VCAN: variants seen among roughly 807,000 people sequenced by gnomAD.
VCAN encodes versican core protein.
Under a neutral mutation model 245.5 loss-of-function variants are expected in VCAN, and 44 were observed. That is an observed-to-expected ratio of 0.18 (90% CI 0.14 to 0.23). The LOEUF is 0.23. Among genes scored for constraint, VCAN ranks in the 10% least tolerant of loss-of-function variants. The pLI, the probability that VCAN is intolerant of heterozygous loss-of-function variation, is 1.00. For synonymous variants in VCAN, 1,413 were observed against 1,437.0 expected, an observed-to-expected ratio of 0.98 and a Z score of 0.38; for missense variants, 3,793 against 4,057.9, an observed-to-expected ratio of 0.93 and a Z score of 1.77.
intron 12 of VCAN, among the ~76,000 whole-genome samples, chr5:83,564,348 C>T (rs932643479): frequency 1.3e-5 from 2 of 151,994 alleles, no homozygotes; most frequent in African/African-American, 2.4e-5. Flanking sequence ...GTTTCAAAAC[C>T]ACATTCACAG....
intron 11 of VCAN, 104 bp downstream of exon 11, chr5:83,553,626 C>T (rs577831887): frequency 1.4e-6 from 2 of 1,433,250 alleles, no homozygotes; most frequent in African/African-American, 1.4e-5. Context: ...AATCATAATA[C>T]AACTTATCAA....
chr5:83,558,460 C>T (rs1161668334), intron 12 of VCAN, among the ~76,000 whole-genome samples: 1 of 152,078 alleles, frequency 6.6e-6, no homozygotes, highest in African/African-American at 2.4e-5. Context: ...ATTAGAGCTT[C>T]TCCGTCTTGG....
chr5:83,538,890 G>A lies in VCAN; in HGVS notation c.5887G>A (p.Ala1963Thr), dbSNP rs1746840051. The A allele has an allele frequency of 6.2e-7, 1 of 1,613,854 alleles. No homozygotes were observed. The highest frequency in any genetic ancestry group is 1.3e-5 in the African/African-American group (1 of 74,906). ...AATGATGGAAGGCTCTGGAGATGCAGCATTTAGGGACACCCAGACTTCACC... is the reference window on the plus strand; with the variant it reads ...AATGATGGAAGGCTCTGGAGATGCAACATTTAGGGACACCCAGACTTCACC... ...TVMMEGSGDA[A>T]FRDTQTSPST... Residue 1963 changes from alanine to threonine, a missense_variant, in exon 8 of 15, where the codon GCA becomes ACA. Coordinates refer to ENST00000265077, the MANE Select transcript of VCAN (RefSeq NM_004385.5).
Position 83,490,335 on chromosome 5 carries a change from T to C in VCAN, c.308T>C (p.Val103Ala), listed in dbSNP as rs374089541. ...IGQDYKGRVS[V>A]PTHPEAVGDA... ...CAGGACTACAAAGGGAGAGTGTCTG[T>C]GCCCACACATCCCGAGGCTGTGGGC... The change falls in exon 3 of 15, where the codon GTG becomes GCG. Residue 103 changes from valine (V) to alanine (A), a missense_variant. Around this residue, in one of 5 missense-constraint regions of VCAN, gnomAD observed 179 missense variants for 169.7 expected, o/e 1.05. Coordinates refer to ENST00000265077, the MANE Select transcript of VCAN (RefSeq NM_004385.5). 2.7e-5 allele frequency: 43 copies of C among 1,614,104 alleles called. No individual in the cohort carries two copies. Among genetic ancestry groups the C allele is most frequent in the Non-Finnish European group, 3.5e-5 (41 of 1,180,044 alleles).
At chr5:83,542,551 A>C (rs1302933374) in intron 8 of VCAN, among the ~76,000 whole-genome samples, 2 of 152,182 alleles carry the variant, frequency 1.3e-5, no homozygotes, top group Non-Finnish European at 2.9e-5. Context: ...TGTTATAAAA[A>C]TTCAATTTGT....
chr5:83,540,497 C>A lies in VCAN; in HGVS notation c.7494C>A (p.Ser2498Arg), dbSNP rs767297152. 5.6e-6 allele frequency: 9 copies of A among 1,613,850 alleles called. No individual in the cohort carries two copies. The South Asian group carries it at 7.7e-5, about 14-fold the overall frequency. ...MLPLHSEQNK[S>R]SPDPTSTLSN... ...CTCTTCATTCAGAGCAGAACAAAAGCTCCCCTGATCCAACTAGCACACTGT... is the reference window on the plus strand; with the variant it reads ...CTCTTCATTCAGAGCAGAACAAAAGATCCCCTGATCCAACTAGCACACTGT... Residue 2498 changes from serine (S) to arginine (R), a missense_variant, in exon 8 of 15, where the codon AGC becomes AGA. Ser to Arg is a moderately radical substitution (Grantham distance 110, BLOSUM62 -1). Coordinates refer to ENST00000265077, the MANE Select transcript of VCAN (RefSeq NM_004385.5).
At chr5:83,575,437 C>T (rs748016447) in intron 13 of VCAN, among the ~76,000 whole-genome samples, 1 of 152,166 alleles carries the variant, frequency 6.6e-6, no homozygotes, top group Non-Finnish European at 1.5e-5. Context: ...TTATTCGTCT[C>T]TATCCAAATG....
chr5:83,497,423 G>T (rs761785989), intron 5 of VCAN, among the ~76,000 whole-genome samples: 31 of 152,034 alleles, frequency 2.0e-4, no homozygotes, highest in Non-Finnish European at 3.5e-4. Flanking sequence ...GATTATAACA[G>T]TTATGCATAT....
intron 1 of VCAN, 103 bp from the exon 2 acceptor site, chr5:83,483,410 T>C (rs906188764): frequency 1.4e-5 from 13 of 905,858 alleles, no homozygotes; most frequent in Admixed American, 3.9e-5. Flanking sequence ...ACTTAATGCT[T>C]AATACTACCC....
In VCAN at chr5:83,576,862, G is replaced by C. The variant is rs186884062; in HGVS notation, c.9881-3118G>C. On this transcript the variant is annotated intron_variant, in intron 13 of 14. Transcript: ENST00000265077. ...ATATTTATCAATCACTTGAAGCTCT[G>C]CTTTTGTAAAGTTTCTGTTCATATC... Among the ~76,000 whole-genome samples, 342 of 152,074 alleles carry C rather than the reference G, an allele frequency of 2.2e-3. 1 individual carries two copies. Among genetic ancestry groups the C allele is most frequent in the African/African-American group, 7.9e-3 (327 of 41,510 alleles).
chr5:83,524,308 A>T (rs370699319), intron 7 of VCAN, among the ~76,000 whole-genome samples: 1 of 152,186 alleles, frequency 6.6e-6, no homozygotes, highest in Admixed American at 6.5e-5. Flanking sequence ...GGAGACGTAT[A>T]TAGGTGTTTC....
intron 7 of VCAN, among the ~76,000 whole-genome samples, chr5:83,533,396 A>C (rs542266957): frequency 6.6e-6 from 1 of 152,276 alleles, no homozygotes; most frequent in Admixed American, 6.5e-5. Context: ...ACTTACTGGC[A>C]GGAACATTTG....
At position 83,538,399 on chromosome 5, in the gene VCAN, T is replaced by C; in HGVS notation, c.5396T>C (p.Leu1799Ser). Residue 1799 changes from leucine (L) to serine (S), a missense_variant, in exon 8 of 15, where the codon TTA (leucine) becomes TCA (serine). Around this residue, in one of 5 missense-constraint regions of VCAN, gnomAD observed 3,182 missense variants for 3,250.3 expected, o/e 0.98. Coordinates refer to ENST00000265077, the MANE Select transcript of VCAN (RefSeq NM_004385.5). ...STPVFTETNT[L>S]ENLGAQTTEH... ...CCTGTCTTTACAGAAACAAATACAT[T>C]AGAAAATTTGGGGGCACAGACCACT... The C allele has an allele frequency of 6.2e-7, 1 of 1,613,848 alleles. No individual in the cohort carries two copies. The highest frequency in any genetic ancestry group is 2.2e-5 in the East Asian group (1 of 44,864).
chr5:83,501,500 A>G (rs1460152207), intron 5 of VCAN, among the ~76,000 whole-genome samples: 1 of 152,176 alleles, frequency 6.6e-6, no homozygotes, highest in Non-Finnish European at 1.5e-5. Context: ...TTGGAGTCCA[A>G]ATTCATTCTT....
chr5:83,517,729 C>T (rs1387510001), intron 6 of VCAN, among the ~76,000 whole-genome samples: 3 of 152,092 alleles, frequency 2.0e-5, no homozygotes, highest in Non-Finnish European at 4.4e-5. Flanking sequence ...TGTTTTTAAA[C>T]TCCAACTCTT....
intron 5 of VCAN, among the ~76,000 whole-genome samples, chr5:83,509,402 A>G (rs1010202697): frequency 6.6e-6 from 1 of 152,186 alleles, no homozygotes; most frequent in African/African-American, 2.4e-5. Flanking sequence ...TGTTTAAAAT[A>G]GGGAAACCAG....
chr5:83,548,920 T>C (rs114332017), intron 10 of VCAN, among the ~76,000 whole-genome samples: 2 of 152,224 alleles, frequency 1.3e-5, no homozygotes, highest in African/African-American at 2.4e-5. Flanking sequence ...GTCACTGCGA[T>C]GAATGCAAAT....
chr5:83,509,083 G>GAGAA (rs968647535), intron 5 of VCAN, among the ~76,000 whole-genome samples: 1 of 141,104 alleles, frequency 7.1e-6, no homozygotes, highest in Non-Finnish European at 1.5e-5. Flanking sequence ...AAGAAAGAAA[G>GAGAA]AGAAAGAAAG....
chr5:83,575,473 A>G (rs895451698), intron 13 of VCAN, among the ~76,000 whole-genome samples: 4 of 152,128 alleles, frequency 2.6e-5, no homozygotes, highest in Non-Finnish European at 4.4e-5. Flanking sequence ...TATGTCTCCA[A>G]TGGTCCCTGG....
Sources: gnomAD v4.1 joint callset for allele counts (sites outside exome capture counted in the v4.1 genomes callset) on GRCh38, gnomAD v4.1.1 for gene constraint, gnomAD v4.1.1 regional missense constraint, MANE v1.5 for transcripts, NCBI Gene and HGNC (gene_info 2026-07-23, HGNC 2026-07-21) for gene names.